Variants in IQGAP1 observed in about 807,000 individuals in gnomAD.
IQGAP1 encodes ras GTPase-activating-like protein IQGAP1.
Under a neutral mutation model 215.6 loss-of-function variants are expected in IQGAP1, and 66 were observed. The observed-to-expected ratio is 0.31, with a 90% CI of 0.25 to 0.38. The LOEUF is 0.38. IQGAP1 is among the 10% of genes least tolerant of loss of function. The pLI is 1.00. For synonymous variants in IQGAP1, 772 were observed against 728.7 expected, an observed-to-expected ratio of 1.06 and a Z score of -0.96; for missense variants, 1,712 against 1,997.1, an observed-to-expected ratio of 0.86 and a Z score of 2.72.
chr15:90,416,420 A>G (rs532164001), intron 2 of IQGAP1, among the ~76,000 whole-genome samples: 1 of 152,306 alleles, frequency 6.6e-6, no homozygotes, highest in African/African-American at 2.4e-5. Context: ...GTACATACCC[A>G]GTAATGGGAT....
At chr15:90,393,391 A>G (rs1001973715) in intron 2 of IQGAP1, 14 of 152,152 alleles carry the variant, frequency 9.2e-5, no homozygotes, top group African/African-American at 3.4e-4. Context: ...TACTTATCAT[A>G]CCTGATCCAA....
intron 2 of IQGAP1, among the ~76,000 whole-genome samples, chr15:90,422,869 A>G (rs1238512853): frequency 6.6e-6 from 1 of 151,586 alleles, no homozygotes; most frequent in African/African-American, 2.4e-5. Context: ...CTAATTTTTA[A>G]ATTTTTTGTA....
Position 90,483,542 on chromosome 15 carries a change from C to G in IQGAP1, c.3737C>G (p.Ala1246Gly). Residue 1246 changes from alanine (A) to glycine (G), a missense_variant, in exon 29 of 38, where the codon GCC (alanine) becomes GGC (glycine). Transcript: ENST00000268182. The stretch of plus-strand genomic sequence containing the variant: ...AATAAGATGTTTCTGGGAGATAATG[C>G]CCACTTAAGCATCATTAATGAATAT... The part of the protein sequence containing the change: ...ASNKMFLGDN[A>G]HLSIINEYLS... The G allele has an allele frequency of 1.2e-6, 2 of 1,613,928 alleles. No individual in the cohort carries two copies. Among genetic ancestry groups the G allele is most frequent in the Non-Finnish European group, 1.7e-6 (2 of 1,179,952 alleles).
At chr15:90,456,020 C>T (rs569406157) in intron 14 of IQGAP1, 132 bp from the exon 15 acceptor site, 20 of 675,574 alleles carry the variant, frequency 3.0e-5, no homozygotes, top group South Asian at 8.8e-5. Flanking sequence ...TGCTGCTTAA[C>T]GGATGGTAAG....
chr15:90,417,417 T>C (rs896698813), intron 2 of IQGAP1, among the ~76,000 whole-genome samples: 33 of 152,308 alleles, frequency 2.2e-4, no homozygotes, highest in African/African-American at 7.9e-4. Context: ...GTTTCAGCTT[T>C]CTACATATGG....
intron 2 of IQGAP1, among the ~76,000 whole-genome samples, chr15:90,411,932 C>T (rs1257436121): frequency 6.6e-6 from 1 of 152,082 alleles, no homozygotes; most frequent in African/African-American, 2.4e-5. Context: ...GTTTAATACA[C>T]ATCCCACAAA....
rs1278951644 is a variant in IQGAP1 at position 90,456,314 on chromosome 15, A to T, written c.1775A>T (p.Gln592Leu). 3 of 1,613,710 alleles carry T rather than the reference A, an allele frequency of 1.9e-6. No homozygotes were observed. The highest frequency in any genetic ancestry group is 2.5e-6 in the Non-Finnish European group (3 of 1,179,840). ...ATTAGAGCGAAGAGAGAGAAAGCCC[A>T]GGTGAGTGGCATCGGAATTGTTCTT... The part of the protein sequence containing the change: ...TLIRAKREKA[Q>L]EIQDESAVLW... Residue 592 changes from glutamine (Q) to leucine (L), a missense_variant and splice_region_variant, in exon 15 of 38, where the codon CAG becomes CTG. Around this residue, in one of 2 missense-constraint regions of IQGAP1, gnomAD observed 1,021 missense variants for 1,074.2 expected, o/e 0.95. Coordinates refer to ENST00000268182, the MANE Select transcript of IQGAP1 (RefSeq NM_003870.4).
chr15:90,456,348 G>T, intron 15 of IQGAP1, 33 bp downstream of exon 15: 1 of 1,609,226 alleles, frequency 6.2e-7, no homozygotes, highest in Non-Finnish European at 8.5e-7. Context: ...TTTATGTTCA[G>T]AGCACCTCAG....
intron 18 of IQGAP1, among the ~76,000 whole-genome samples, 196 bp downstream of exon 18, chr15:90,467,788 T>G (rs1965852137): frequency 6.6e-6 from 1 of 152,212 alleles, no homozygotes; most frequent in Non-Finnish European, 1.5e-5. Flanking sequence ...ATCTGAATTA[T>G]AGAATTAAGT....
intron 17 of IQGAP1, among the ~76,000 whole-genome samples, 165 bp downstream of exon 17, chr15:90,466,601 C>CT (rs201762855): frequency 6.9e-6 from 1 of 144,950 alleles, no homozygotes; most frequent in African/African-American, 2.8e-5. Flanking sequence ...TGAAAATATC[C>CT]TTCCCCCCCC....
At chr15:90,485,466 G>A (rs1043461804) in intron 30 of IQGAP1, among the ~76,000 whole-genome samples, 2 of 152,030 alleles carry the variant, frequency 1.3e-5, no homozygotes, top group Non-Finnish European at 2.9e-5. Context: ...TTGAGATGGA[G>A]TCTTGCTCTG....
At chr15:90,471,294 C>T (rs928285194) in intron 18 of IQGAP1, among the ~76,000 whole-genome samples, 3 of 152,074 alleles carry the variant, frequency 2.0e-5, no homozygotes, top group Non-Finnish European at 4.4e-5. Flanking sequence ...TAGCATGTGG[C>T]TTCCATTCTC....
At chr15:90,449,499 C>T (rs1213934153) in intron 10 of IQGAP1, 60 bp from the exon 11 acceptor site, 7 of 1,371,802 alleles carry the variant, frequency 5.1e-6, no homozygotes, top group Non-Finnish European at 5.0e-6. Flanking sequence ...AGATGAGAAC[C>T]TTAAGGCCTG....
intron 2 of IQGAP1, among the ~76,000 whole-genome samples, chr15:90,401,799 C>G (rs1389248169): frequency 3.9e-5 from 6 of 152,190 alleles, no homozygotes; most frequent in Admixed American, 1.3e-4. Context: ...TCTGCTGCTG[C>G]TATACTTCTG....
chr15:90,439,549 G>A, intron 6 of IQGAP1, 150 bp downstream of exon 6: 1 of 550,558 alleles, frequency 1.8e-6, no homozygotes, highest in Non-Finnish European at 3.3e-6. Context: ...TCTAATGTGG[G>A]GTAAAGAACA....
chr15:90,474,602 C>T lies in IQGAP1; in HGVS notation c.2693C>T (p.Thr898Ile), dbSNP rs768590370. ...ATGAAGATGCGGGAAGAGGTTATCACCCTCATTCGTTCTAACCAGCAGCTG... is the reference window on the plus strand; with the variant it reads ...ATGAAGATGCGGGAAGAGGTTATCATCCTCATTCGTTCTAACCAGCAGCTG... ...DLMKMREEVITLIRSNQQLEN... is the reference protein window; with the variant it reads ...DLMKMREEVIILIRSNQQLEN... The change falls in exon 23 of 38, where the codon ACC becomes ATC. Residue 898 changes from threonine (T) to isoleucine (I), a missense_variant. Physicochemically the swap from Thr to Ile is moderately conservative, Grantham distance 89. Coordinates refer to ENST00000268182, the MANE Select transcript of IQGAP1 (RefSeq NM_003870.4). 6.2e-7 allele frequency: 1 copy of T among 1,613,884 alleles called. No individual in the cohort carries two copies. The highest frequency in any genetic ancestry group is 1.3e-5 in the African/African-American group (1 of 75,026).
At chr15:90,471,048 C>T (rs1177456691) in intron 18 of IQGAP1, among the ~76,000 whole-genome samples, 1 of 152,092 alleles carries the variant, frequency 6.6e-6, no homozygotes, top group African/African-American at 2.4e-5. Context: ...TAAATCTGTA[C>T]CTCCAGACGT....
At chr15:90,477,607 G>T in intron 25 of IQGAP1, 58 bp from the exon 26 acceptor site, 1 of 1,205,026 alleles carries the variant, frequency 8.3e-7, no homozygotes, top group East Asian at 2.3e-5. Context: ...AAGCAGGAAG[G>T]ATCTTTTAAG....
At position 90,418,525 on chromosome 15, in the gene IQGAP1, C is replaced by A. The variant is rs1037700739; in HGVS notation, c.156-7585C>A. On this transcript the variant is annotated intron_variant, in intron 2 of 37. Coordinates refer to ENST00000268182, the MANE Select transcript of IQGAP1 (RefSeq NM_003870.4). ...ATCACTGATCCCAGGAGGTTGAGGC[C>A]ACAGTGAGCCGTGTGATTGGGCCAC... Among the ~76,000 whole-genome samples the A allele has an allele frequency of 3.9e-5, 6 of 152,050 alleles. No homozygotes were observed. In the East Asian group the frequency reaches 1.2e-3, roughly 29 times the overall value.
Sources: gnomAD v4.1 joint callset for allele counts (sites outside exome capture counted in the v4.1 genomes callset) on GRCh38, gnomAD v4.1.1 for gene constraint, gnomAD v4.1.1 regional missense constraint, MANE v1.5 for transcripts, NCBI Gene and HGNC (gene_info 2026-07-23, HGNC 2026-07-21) for gene names.